Variants in CSMD1 observed in about 807,000 individuals in gnomAD.
CSMD1 encodes the protein CUB and sushi domain-containing protein 1.
Under a neutral mutation model 417.5 loss-of-function variants are expected in CSMD1, and 213 were observed. The observed-to-expected ratio is 0.51, with a 90% CI of 0.46 to 0.57. The LOEUF is 0.57. CSMD1 is among the 20% of genes least tolerant of loss of function. The pLI, the probability that CSMD1 is intolerant of heterozygous loss-of-function variation, is 0.00. For missense variants in CSMD1, 6,923 were observed against 4,529.7 expected, an observed-to-expected ratio of 1.53 and a Z score of -15.17; for synonymous variants, 2,862 against 1,736.8, an observed-to-expected ratio of 1.65 and a Z score of -16.11.
chr8:3,668,464 G>A (rs1042267419), intron 7 of CSMD1, among the ~76,000 whole-genome samples: 7 of 152,258 alleles, frequency 4.6e-5, no homozygotes, highest in East Asian at 1.9e-4. Flanking sequence ...GTGGAGAGAT[G>A]ATAGAGTTTG....
At chr8:3,913,306 C>T (rs569407261) in intron 5 of CSMD1, among the ~76,000 whole-genome samples, 1 of 152,000 alleles carries the variant, frequency 6.6e-6, no homozygotes, top group Non-Finnish European at 1.5e-5. Flanking sequence ...CTGTGAGGAC[C>T]ATCGACCTGC....
intron 3 of CSMD1, among the ~76,000 whole-genome samples, chr8:4,063,369 T>C (rs983421362): frequency 6.6e-6 from 1 of 151,998 alleles, no homozygotes; most frequent in Non-Finnish European, 1.5e-5. Flanking sequence ...TATGAAAAAT[T>C]TAAATATCAG....
At chr8:4,361,679 G>A (rs373273848) in intron 3 of CSMD1, among the ~76,000 whole-genome samples, 1 of 152,198 alleles carries the variant, frequency 6.6e-6, no homozygotes, top group African/African-American at 2.4e-5. Flanking sequence ...AGCCAGGTGC[G>A]ACGGCTTGGC....
At chr8:4,971,515 G>A (rs1810235341) in intron 1 of CSMD1, among the ~76,000 whole-genome samples, 1 of 151,910 alleles carries the variant, frequency 6.6e-6, no homozygotes, top group South Asian at 2.1e-4. Flanking sequence ...AAATGATGAA[G>A]AATTTATTTT....
intron 1 of CSMD1, among the ~76,000 whole-genome samples, chr8:4,675,609 T>A (rs542268284): frequency 5.3e-5 from 8 of 152,082 alleles, no homozygotes; most frequent in African/African-American, 1.7e-4. Context: ...GTGATTACAA[T>A]GAGGACAGAA....
chr8:3,674,749 C>A (rs950305085), intron 7 of CSMD1, among the ~76,000 whole-genome samples: 1 of 152,154 alleles, frequency 6.6e-6, no homozygotes, highest in African/African-American at 2.4e-5. Context: ...TTCATCCCAA[C>A]TTCACTCTTC....
chr8:4,690,021 TG>T (rs895289773), intron 1 of CSMD1, among the ~76,000 whole-genome samples: 4 of 152,096 alleles, frequency 2.6e-5, no homozygotes, highest in Non-Finnish European at 5.9e-5. Flanking sequence ...AATAAAGCAA[TG>T]GGTTTAGAGA....
chr8:4,197,075 G>T (rs965578895), intron 3 of CSMD1, among the ~76,000 whole-genome samples: 5 of 152,034 alleles, frequency 3.3e-5, no homozygotes, highest in African/African-American at 1.2e-4. Flanking sequence ...TGTGTTCTAT[G>T]GGAAATGAAA....
intron 7 of CSMD1, among the ~76,000 whole-genome samples, chr8:3,680,036 G>T (rs192172398): frequency 6.6e-6 from 1 of 152,034 alleles, no homozygotes; most frequent in Non-Finnish European, 1.5e-5. Flanking sequence ...ATTTAAAGCA[G>T]TGTGTAGAGG....
intron 5 of CSMD1, among the ~76,000 whole-genome samples, chr8:3,894,777 A>G (rs1210517699): frequency 3.3e-5 from 5 of 152,202 alleles, no homozygotes; most frequent in African/African-American, 1.2e-4. Context: ...GTCAATTAGA[A>G]GTGCATAGGG....
chr8:2,957,482 G>C (rs954798434), intron 63 of CSMD1, among the ~76,000 whole-genome samples: 1 of 152,292 alleles, frequency 6.6e-6, no homozygotes, highest in East Asian at 1.9e-4. Context: ...TCTGGTTCAA[G>C]GTCAAGGATG....
intron 1 of CSMD1, among the ~76,000 whole-genome samples, chr8:4,741,211 G>A (rs1810584714): frequency 6.6e-6 from 1 of 152,152 alleles, no homozygotes; most frequent in African/African-American, 2.4e-5. Context: ...AGACCCTAGT[G>A]CCACACGTGC....
At chr8:4,023,407 T>C (rs2688331) in intron 4 of CSMD1, among the ~76,000 whole-genome samples, 99,462 of 151,832 alleles carry the variant, frequency 0.66, 32,826 homozygotes, top group South Asian at 0.75. Flanking sequence ...GTAATTCCAA[T>C]TTCATTATGA....
Position 3,995,452 on chromosome 8 carries a change from G to A in CSMD1, c.818+2451C>T, listed in dbSNP as rs79909470. Among the ~76,000 whole-genome samples the A allele has an allele frequency of 3.3e-3, 495 of 152,252 alleles. 23 individuals carry two copies. The East Asian group carries it at 0.087, about 27-fold the overall frequency. On this transcript the variant is annotated intron_variant, in intron 5 of 69. Transcript: ENST00000635120. ...TTTACCCCGACAGTTACCTGTTCAA[G>A]GCTTTATGATCCAGCCTGTAGTCCT...
chr8:3,902,123 T>C (rs572658025), intron 5 of CSMD1, among the ~76,000 whole-genome samples: 36 of 152,316 alleles, frequency 2.4e-4, no homozygotes, highest in Non-Finnish European at 4.7e-4. Flanking sequence ...AGCCTTAATA[T>C]GACAGAAGTA....
intron 2 of CSMD1, among the ~76,000 whole-genome samples, chr8:4,597,506 G>A (rs1239971504): frequency 6.6e-6 from 1 of 151,904 alleles, no homozygotes; most frequent in Non-Finnish European, 1.5e-5. Flanking sequence ...AAATATACTT[G>A]ACCAGTTACT....
intron 1 of CSMD1, among the ~76,000 whole-genome samples, chr8:4,927,380 T>A (rs1806941409): frequency 6.6e-6 from 1 of 152,056 alleles, no homozygotes; most frequent in Non-Finnish European, 1.5e-5. Context: ...TAATCTAATC[T>A]TAGTATAAAT....
intron 3 of CSMD1, among the ~76,000 whole-genome samples, chr8:4,038,533 G>C (rs770439610): frequency 6.6e-6 from 1 of 152,126 alleles, no homozygotes; most frequent in Non-Finnish European, 1.5e-5. Context: ...CATTTTAACT[G>C]AATTTTAACC....
At chr8:3,707,972 T>A (rs1193794598) in intron 7 of CSMD1, among the ~76,000 whole-genome samples, 2 of 152,222 alleles carry the variant, frequency 1.3e-5, no homozygotes, top group Non-Finnish European at 2.9e-5. Flanking sequence ...TGGAAGGACG[T>A]AGACATTGCC....
Sources: allele counts gnomAD v4.1 joint callset (sites outside exome capture counted in the v4.1 genomes callset), GRCh38; gene constraint gnomAD v4.1.1; transcripts MANE v1.5; gene names NCBI Gene and HGNC (gene_info 2026-07-23, HGNC 2026-07-21).